Variants in SOX6 observed in about 807,000 individuals in gnomAD.
The protein encoded by SOX6 is transcription factor SOX-6.
Under a neutral mutation model 97.8 loss-of-function variants are expected in SOX6, and 11 were observed. That is an observed-to-expected ratio of 0.11 (90% CI 0.07 to 0.19). SOX6 has a LOEUF of 0.19. Among genes scored for constraint, SOX6 ranks in the 10% least tolerant of loss-of-function variants. The pLI is 1.00. For missense variants in SOX6, 810 were observed against 1,039.5 expected, an observed-to-expected ratio of 0.78 and a Z score of 3.04; for synonymous variants, 360 against 371.4, an observed-to-expected ratio of 0.97 and a Z score of 0.35.
At chr11:16,274,082 TC>T (rs1854329561) in intron 3 of SOX6, among the ~76,000 whole-genome samples, 1 of 152,108 alleles carries the variant, frequency 6.6e-6, no homozygotes, top group African/African-American at 2.4e-5. Flanking sequence ...GCCAACTGTT[TC>T]TTTTAAAAAT....
At chr11:16,576,438 C>A (rs1364669851) in intron 4 of SOX6, among the ~76,000 whole-genome samples, 2 of 152,142 alleles carry the variant, frequency 1.3e-5, no homozygotes, top group Non-Finnish European at 2.9e-5. Flanking sequence ...GATATAAAAT[C>A]CCACTACCTC....
rs1035808287 is a variant in SOX6, at chr11:16,390,980, G to A, written c.-4-49728C>T. Among the ~76,000 whole-genome samples the A allele has an allele frequency of 2.6e-4, 39 of 152,196 alleles. 1 individual carries two copies. The highest frequency in any genetic ancestry group is 2.5e-3 in the Admixed American group (39 of 15,300). ...ATGATACACTGGATTAAGAAAATGT[G>A]GCACATATACACCATGGAATACTAT... On this transcript the variant is annotated intron_variant, in intron 1 of 15. Coordinates refer to the SOX6 transcript ENST00000396356.
intron 1 of SOX6, among the ~76,000 whole-genome samples, chr11:16,455,234 T>C (rs1205946823): frequency 6.6e-6 from 1 of 152,086 alleles, no homozygotes; most frequent in African/African-American, 2.4e-5. Flanking sequence ...TTATTGTCTG[T>C]GTCTTTCACC....
chr11:16,564,858 A>G (rs1847852435), intron 4 of SOX6, among the ~76,000 whole-genome samples: 1 of 152,056 alleles, frequency 6.6e-6, no homozygotes, highest in Non-Finnish European at 1.5e-5. Flanking sequence ...ATAAGAAAAG[A>G]AGAAAAATCT....
At chr11:16,260,032 C>T (rs940894148) in intron 3 of SOX6, among the ~76,000 whole-genome samples, 10 of 151,780 alleles carry the variant, frequency 6.6e-5, no homozygotes, top group African/African-American at 2.2e-4. Context: ...GACGGAGTCT[C>T]GCTGTCATCC....
intron 3 of SOX6, among the ~76,000 whole-genome samples, chr11:16,238,732 A>G (rs1160579629): frequency 2.0e-5 from 3 of 152,108 alleles, no homozygotes; most frequent in Non-Finnish European, 4.4e-5. Flanking sequence ...ATCTACCTAT[A>G]AGCAAACACT....
intron 1 of SOX6, among the ~76,000 whole-genome samples, chr11:16,469,736 G>C (rs1486917370): frequency 6.6e-6 from 1 of 151,890 alleles, no homozygotes; most frequent in Non-Finnish European, 1.5e-5. Context: ...TTAAAGGTTT[G>C]CAAGAAAAAA....
At chr11:16,037,807 T>G (rs1438198819) in intron 12 of SOX6, among the ~76,000 whole-genome samples, 1 of 152,178 alleles carries the variant, frequency 6.6e-6, no homozygotes, top group Non-Finnish European at 1.5e-5. Flanking sequence ...TAGTTTAGAT[T>G]AAATGTGCCC....
At position 15,973,081 on chromosome 11, in the gene SOX6, T is replaced by C. The variant is rs1428177569; in HGVS notation, c.2215A>G (p.Thr739Ala). ...QQPQIPITTG[T>A]GVVYPGAITM... ...ATAGCACCAGGATACACAACACCTG[T>C]TCCTGTGGTGATTGGAATCTGAGGC... The change falls in exon 16 of 16, where the codon ACA becomes GCA. Residue 739 changes from threonine (T) to alanine (A), a missense_variant. Around this residue, in one of 9 missense-constraint regions of SOX6, gnomAD observed 122 missense variants for 153.4 expected, o/e 0.80. Coordinates refer to ENST00000683767, the MANE Select transcript of SOX6 (RefSeq NM_001367873.1). The C allele has an allele frequency of 1.2e-6, 2 of 1,614,208 alleles. No individual in the cohort carries two copies. Among genetic ancestry groups the C allele is most frequent in the South Asian group, 1.1e-5 (1 of 91,088 alleles).
At chr11:15,999,299 C>G (rs991216626) in intron 13 of SOX6, among the ~76,000 whole-genome samples, 1 of 152,040 alleles carries the variant, frequency 6.6e-6, no homozygotes. Context: ...AAGTATAAAA[C>G]AGCATAACCA....
At chr11:16,405,669 C>A (rs1409878626) in intron 1 of SOX6, among the ~76,000 whole-genome samples, 1 of 151,982 alleles carries the variant, frequency 6.6e-6, no homozygotes, top group African/African-American at 2.4e-5. Context: ...AATTAAAGAA[C>A]CATGCCCCAA....
intron 2 of SOX6, among the ~76,000 whole-genome samples, chr11:16,725,250 G>A (rs561626590): frequency 6.6e-6 from 1 of 152,304 alleles, no homozygotes; most frequent in South Asian, 2.1e-4. Context: ...GTGGCTGGGC[G>A]CAGTGGCTGA....
chr11:16,015,549 G>A (rs1854859070), intron 12 of SOX6, among the ~76,000 whole-genome samples: 1 of 152,006 alleles, frequency 6.6e-6, no homozygotes, highest in Non-Finnish European at 1.5e-5. Context: ...GAAGATGATT[G>A]ATACTACTAT....
rs1352215934 is a variant in SOX6 at position 15,972,796 on chromosome 11, A to G, written c.*13T>C. ...AAATGTCAGAGTACTTTAATTCAGC[A>G]AACAAAAACTCCTCAGTTGGCACTG... is the stretch of plus-strand genomic sequence containing the variant. On this transcript the variant is annotated 3_prime_UTR_variant, in exon 16 of 16. Coordinates refer to ENST00000683767, the MANE Select transcript of SOX6 (RefSeq NM_001367873.1). 1 of 1,614,110 alleles carries G rather than the reference A, an allele frequency of 6.2e-7. No individual in the cohort carries two copies. The highest frequency in any genetic ancestry group is 8.5e-7 in the Non-Finnish European group (1 of 1,180,002).
At chr11:16,707,424 G>A (rs749639873) in intron 3 of SOX6, among the ~76,000 whole-genome samples, 2 of 151,770 alleles carry the variant, frequency 1.3e-5, no homozygotes, top group Non-Finnish European at 2.9e-5. Context: ...AACATGGTAG[G>A]GAAAGGGAAT....
At chr11:16,517,935 C>T in intron 4 of SOX6, among the ~76,000 whole-genome samples, 1 of 152,184 alleles carries the variant, frequency 6.6e-6, no homozygotes, top group East Asian at 1.9e-4. Flanking sequence ...TGACTAACCC[C>T]TTACTGCCTC....
chr11:16,215,227 G>A (rs535623099), intron 4 of SOX6, among the ~76,000 whole-genome samples: 34 of 152,182 alleles, frequency 2.2e-4, no homozygotes, highest in African/African-American at 4.1e-4. Context: ...CAGGAATACC[G>A]GAAAATTATG....
intron 3 of SOX6, among the ~76,000 whole-genome samples, chr11:16,700,169 T>C (rs1361628292): frequency 6.6e-6 from 1 of 152,018 alleles, no homozygotes; most frequent in South Asian, 2.1e-4. Flanking sequence ...AAAGCTTCCC[T>C]AAAGAAGCAA....
At chr11:16,310,156 A>G (rs1476182110) in intron 3 of SOX6, among the ~76,000 whole-genome samples, 3 of 152,094 alleles carry the variant, frequency 2.0e-5, no homozygotes, top group Non-Finnish European at 2.9e-5. Context: ...AAGTTAAGAA[A>G]AAGATTCAAC....
Sources: gnomAD v4.1 joint callset for allele counts (sites outside exome capture counted in the v4.1 genomes callset) on GRCh38, gnomAD v4.1.1 for gene constraint, gnomAD v4.1.1 regional missense constraint, MANE v1.5 for transcripts, NCBI Gene and HGNC (gene_info 2026-07-23, HGNC 2026-07-21) for gene names.